The following ZNF736 variants were observed in gnomAD, a reference collection of about 807,000 sequenced individuals.
ZNF736 encodes the protein zinc finger protein 736, also known as KRAB-containing zinc-finger repressor protein.
ZNF736 carries 6 observed loss-of-function variants against 11.7 expected under a neutral mutation model. That is an observed-to-expected ratio of 0.51 (90% CI 0.28 to 1.01). The LOEUF is 1.01. Among genes scored for constraint, ZNF736 ranks in the 50% least tolerant of loss-of-function variants. The pLI is 0.09. For missense variants in ZNF736, 444 were observed against 496.0 expected (o/e 0.90, Z 1.00); for synonymous variants, 139 against 164.7 (o/e 0.84, Z 1.19).
At chr7:64,330,332 AT>A (rs1417477827) in intron 1 of ZNF736, among the ~76,000 whole-genome samples, 2 of 151,544 alleles carry the variant, frequency 1.3e-5, no homozygotes, top group South Asian at 2.1e-4. Flanking sequence ...ATTTTTTTGT[AT>A]TTTTTAGTAG....
intron 2 of ZNF736, 31 bp downstream of exon 2, chr7:64,336,416 T>C: frequency 1.3e-6 from 2 of 1,546,198 alleles, no homozygotes; most frequent in South Asian, 1.3e-5. Flanking sequence ...CAACTCATAT[T>C]CTACATTAAA....
At chr7:64,320,679 C>T (rs550254971) in intron 1 of ZNF736, among the ~76,000 whole-genome samples, 1 of 152,184 alleles carries the variant, frequency 6.6e-6, no homozygotes, top group South Asian at 2.1e-4. Context: ...AGCAATCAAA[C>T]AGGCATTTTG....
chr7:64,337,756 G>GTTTTTTTTTTTT (rs569147961), intron 3 of ZNF736, among the ~76,000 whole-genome samples: 4 of 112,504 alleles, frequency 3.6e-5, no homozygotes, highest in South Asian at 2.4e-4. Context: ...GTTTTTTTTG[G>GTTTTTTTTTTTT]TTTTTTTTTT....
chr7:64,341,140 ATTAT>A (rs1789332270), intron 3 of ZNF736, among the ~76,000 whole-genome samples: 1 of 152,020 alleles, frequency 6.6e-6, no homozygotes, highest in Non-Finnish European at 1.5e-5. Context: ...TTTTTCAACA[ATTAT>A]TTTTCTGCCA....
In ZNF736 at chr7:64,351,885, TG is replaced by T. The variant is rs1450958132; in HGVS notation, c.*2741del. ...GGGTTTACTGTCTGCTGAGGAGCAG[TG>T]GGTAGTTTGTGGGACCCATGGAGGA... On this transcript the variant is annotated 3_prime_UTR_variant, in exon 4 of 4. Transcript: ENST00000423484. 2 of 152,180 alleles carry T rather than the reference TG, an allele frequency of 1.3e-5. No homozygotes were observed. The highest frequency in any genetic ancestry group is 4.8e-5 in the African/African-American group (2 of 41,404). The allele number at this position is 152,180 out of a possible 1,614,324, so 9.4% of individuals were successfully genotyped here.
Position 64,352,983 on chromosome 7 carries a change from T to C in ZNF736, c.*3836T>C, listed in dbSNP as rs1051157097. 1 of 152,470 alleles carries C rather than the reference T, an allele frequency of 6.6e-6. No individual in the cohort carries two copies. Among genetic ancestry groups the C allele is most frequent in the Non-Finnish European group, 1.5e-5 (1 of 68,252 alleles). 9.4% of individuals were successfully genotyped at this position (152,470 alleles called of 1,614,324 possible). ...TTCTGCCTCTTTCCTATGGGTATGT[T>C]CAGGGGTGTAACCTGCTTTGCTCGA... On this transcript the variant is annotated 3_prime_UTR_variant, in exon 4 of 4. Transcript: ENST00000423484.
rs1789544717 is a variant in ZNF736, at chr7:64,355,675, C to T, written c.*6528C>T. 6.6e-6 allele frequency: 1 copy of T among 152,530 alleles called. No individual in the cohort carries two copies. The allele number at this position is 152,530 out of a possible 1,614,324, so 9.4% of individuals were successfully genotyped here. A position where few individuals can be genotyped will look rare whatever the true frequency, so the allele number is the denominator to read the frequency against. Reference sequence around the variant, plus strand: ...GGGAATGCACATGTGAGCCACCGCGCCTGTCCTTGATTTTAGATCTTGACA... The same window carrying T: ...GGGAATGCACATGTGAGCCACCGCGTCTGTCCTTGATTTTAGATCTTGACA... On this transcript the variant is annotated 3_prime_UTR_variant, in exon 4 of 4. Transcript: ENST00000423484.
intron 1 of ZNF736, among the ~76,000 whole-genome samples, chr7:64,322,118 T>C (rs191228725): frequency 3.1e-4 from 47 of 152,224 alleles, no homozygotes; most frequent in African/African-American, 4.3e-4. Flanking sequence ...GTTTTTTTTT[T>C]CCAAGAAATG....
In ZNF736 at chr7:64,317,577, A is replaced by G. The variant is rs560061831; in HGVS notation, c.3+3424A>G. 9.8e-5 allele frequency among the ~76,000 whole-genome samples: 15 copies of G among 152,306 alleles called. No homozygotes were observed. The East Asian group carries it at 2.1e-3, about 22-fold the overall frequency. ...AATTTAGTGGCACAGGTACTGGCCA[A>G]GAAAATCTAATATGGTTCCTTCCAA... On this transcript the variant is annotated intron_variant, in intron 1 of 3. Transcript: ENST00000423484.
At chr7:64,336,782 T>G (rs937350626) in intron 2 of ZNF736, 105 bp from the exon 3 acceptor site, 1 of 916,394 alleles carries the variant, frequency 1.1e-6, no homozygotes, top group Non-Finnish European at 1.7e-6. Context: ...TAAAATTAAT[T>G]TTCTAGAGTC....
At chr7:64,335,342 G>A (rs1789232265) in intron 1 of ZNF736, among the ~76,000 whole-genome samples, 1 of 151,910 alleles carries the variant, frequency 6.6e-6, no homozygotes, top group South Asian at 2.1e-4. Flanking sequence ...ACAGAACATG[G>A]GAGATATTTG....
At chr7:64,315,374 T>G (rs1394866785) in intron 1 of ZNF736, among the ~76,000 whole-genome samples, 1 of 151,348 alleles carries the variant, frequency 6.6e-6, no homozygotes, top group African/African-American at 2.5e-5. Context: ...AAAGGTTGTT[T>G]TTTTTTTTTA....
intron 3 of ZNF736, among the ~76,000 whole-genome samples, chr7:64,346,898 T>C (rs1217647922): frequency 1.3e-5 from 2 of 152,022 alleles, no homozygotes; most frequent in Admixed American, 1.3e-4. Flanking sequence ...TTTTCTAGGG[T>C]AATTTATTTT....
chr7:64,354,631 T>A lies in ZNF736; in HGVS notation c.*5484T>A, dbSNP rs530813769. 7.2e-5 allele frequency: 11 copies of A among 152,322 alleles called. No homozygotes were observed. In the South Asian group the frequency reaches 2.1e-3, roughly 29 times the overall value. The allele number at this position is 152,322 out of a possible 1,614,324, so 9.4% of individuals were successfully genotyped here. A position where few individuals can be genotyped will look rare whatever the true frequency, so the allele number is the denominator to read the frequency against. On this transcript the variant is annotated 3_prime_UTR_variant, in exon 4 of 4. Transcript: ENST00000423484. The stretch of plus-strand genomic sequence containing the variant: ...TTTTCATAAAACATTCTTTGTATAA[T>A]CACCTCAGAGATTATGAAAGTGACT...
At chr7:64,329,607 A>G (rs1584268670) in intron 1 of ZNF736, among the ~76,000 whole-genome samples, 1 of 151,992 alleles carries the variant, frequency 6.6e-6, no homozygotes, top group African/African-American at 2.4e-5. Context: ...CTGCCAAATA[A>G]ATGGAATCTC....
intron 3 of ZNF736, among the ~76,000 whole-genome samples, chr7:64,343,002 T>C (rs1421063071): frequency 6.6e-6 from 1 of 152,190 alleles, no homozygotes; most frequent in Admixed American, 6.5e-5. Context: ...ATTAATGACA[T>C]AATAAGTATG....
At position 64,355,981 on chromosome 7, in the gene ZNF736, T is replaced by C; in HGVS notation, c.*6834T>C. 5.4e-6 allele frequency: 1 copy of C among 184,440 alleles called. No homozygotes were observed. The highest frequency in any genetic ancestry group is 1.2e-4 in the South Asian group (1 of 8,650). 11.4% of individuals were successfully genotyped at this position (184,440 alleles called of 1,614,324 possible). On this transcript the variant is annotated 3_prime_UTR_variant, in exon 4 of 4. Coordinates refer to ENST00000423484, the MANE Select transcript of ZNF736 (RefSeq NM_001170905.3). ...TGGATGATATATAGAGTGGTTATGCTGCATCAGGTCCTAAGAAAACCCACC... is the reference window on the plus strand; with the variant it reads ...TGGATGATATATAGAGTGGTTATGCCGCATCAGGTCCTAAGAAAACCCACC...
chr7:64,316,719 T>C (rs904471152), intron 1 of ZNF736, among the ~76,000 whole-genome samples: 10 of 151,952 alleles, frequency 6.6e-5, no homozygotes, highest in African/African-American at 2.4e-4. Context: ...TATAATGGAT[T>C]TTATCATTAG....
At chr7:64,314,205 C>T in intron 1 of ZNF736, 52 bp downstream of exon 1, 1 of 1,547,598 alleles carries the variant, frequency 6.5e-7, no homozygotes, top group Non-Finnish European at 8.7e-7. Flanking sequence ...TGTTTGAATC[C>T]GGCCGGAACC....
Sources: allele counts gnomAD v4.1 joint callset (sites outside exome capture counted in the v4.1 genomes callset), GRCh38; gene constraint gnomAD v4.1.1; transcripts MANE v1.5; gene names NCBI Gene and HGNC (gene_info 2026-07-23, HGNC 2026-07-21).